PLXNA2: variants seen among roughly 807,000 people sequenced by gnomAD.
PLXNA2 encodes plexin A2.
PLXNA2 carries 91 observed loss-of-function variants against 193.5 expected under a neutral mutation model. The observed-to-expected ratio is 0.47, with a 90% confidence interval of 0.40 to 0.56. PLXNA2 has a LOEUF of 0.56. PLXNA2 is among the 20% of genes least tolerant of loss of function. PLXNA2 has a pLI of 0.00. For synonymous variants in PLXNA2, 997 were observed against 1,027.3 expected (o/e 0.97, Z 0.56); for missense variants, 1,995 against 2,503.2 (o/e 0.80, Z 4.33).
chr1:208,141,980 A>G (rs569694464), intron 4 of PLXNA2, among the ~76,000 whole-genome samples: 1 of 152,284 alleles, frequency 6.6e-6, no homozygotes, highest in Non-Finnish European at 1.5e-5. Context: ...TGGATTATTT[A>G]CACCTCTTTG....
intron 2 of PLXNA2, among the ~76,000 whole-genome samples, chr1:208,210,925 G>A (rs1473399293): frequency 6.6e-6 from 1 of 152,074 alleles, no homozygotes. Flanking sequence ...TGGGCTGTAG[G>A]GTCTCCCTTT....
chr1:208,105,757 C>G (rs964261409), intron 4 of PLXNA2, among the ~76,000 whole-genome samples: 1 of 152,232 alleles, frequency 6.6e-6, no homozygotes, highest in Non-Finnish European at 1.5e-5. Context: ...CTGGCCCCCT[C>G]CAAACCACTC....
intron 12 of PLXNA2, among the ~76,000 whole-genome samples, chr1:208,064,892 C>T (rs192548943): frequency 3.3e-5 from 5 of 152,136 alleles, no homozygotes; most frequent in Admixed American, 3.3e-4. Context: ...CCCCGCCCAA[C>T]ACACACAGAG....
At chr1:208,129,642 C>T (rs1299483000) in intron 4 of PLXNA2, among the ~76,000 whole-genome samples, 2 of 152,198 alleles carry the variant, frequency 1.3e-5, no homozygotes, top group African/African-American at 4.8e-5. Flanking sequence ...GTGAGCCCCT[C>T]CCCTCTCACG....
intron 9 of PLXNA2, among the ~76,000 whole-genome samples, chr1:208,088,222 C>T (rs1221099972): frequency 2.0e-5 from 3 of 152,168 alleles, no homozygotes; most frequent in Non-Finnish European, 4.4e-5. Context: ...GGAAACACAG[C>T]TGCAGGGAGA....
intron 27 of PLXNA2, among the ~76,000 whole-genome samples, chr1:208,034,131 G>A (rs1207166998): frequency 6.6e-6 from 1 of 152,252 alleles, no homozygotes; most frequent in Non-Finnish European, 1.5e-5. Flanking sequence ...ACACTTCTGA[G>A]AGTAAAAGGG....
intron 12 of PLXNA2, among the ~76,000 whole-genome samples, chr1:208,074,766 C>A (rs1209952443): frequency 6.6e-6 from 1 of 152,184 alleles, no homozygotes; most frequent in African/African-American, 2.4e-5. Flanking sequence ...GATTCTGCCA[C>A]CCCCAACTGC....
Position 208,027,323 on chromosome 1 carries a change from C to G in PLXNA2, c.5605G>C (p.Glu1869Gln), listed in dbSNP as rs1227105369. ...TGCCGCCGTGCCTGCTCATCCTGCT[C>G]TAGGGCCCCGATGAGCTGAGGAGCA... ...KYSEELIGAL[E>Q]QDEQARRQRL... The change falls in exon 32 of 32, where the codon GAG (glutamate) becomes CAG (glutamine). Residue 1869 changes from glutamate (E) to glutamine (Q), a missense_variant. Transcript: ENST00000367033. 36 of 1,613,168 alleles carry G rather than the reference C, an allele frequency of 2.2e-5. No homozygotes were observed. The highest frequency in any genetic ancestry group is 3.0e-5 in the Non-Finnish European group (35 of 1,179,982).
At chr1:208,240,760 T>C (rs1322921395) in intron 1 of PLXNA2, among the ~76,000 whole-genome samples, 1 of 111,530 alleles carries the variant, frequency 9.0e-6, no homozygotes, top group African/African-American at 3.5e-5. Context: ...ATGATCAGAA[T>C]GGGGGTGGGG....
rs73083029 is a variant in PLXNA2 at position 208,045,397 on chromosome 1, C to T, written c.3496-187G>A. ...TCTAGAGAGAAAGAGAGAAAACAGA[C>T]GCAGGAGAGAATGAAAATGAAGAAG... On this transcript the variant is annotated intron_variant, in intron 18 of 31. Transcript: ENST00000367033. 7.6e-3 allele frequency among the ~76,000 whole-genome samples: 1,151 copies of T among 152,016 alleles called. 14 individuals carry two copies. Among genetic ancestry groups the T allele is most frequent in the African/African-American group, 0.026 (1,092 of 41,432 alleles).
chr1:208,186,417 C>A (rs1462981056), intron 3 of PLXNA2, among the ~76,000 whole-genome samples: 1 of 152,118 alleles, frequency 6.6e-6, no homozygotes, highest in African/African-American at 2.4e-5. Context: ...GGCAAAAAAA[C>A]AAACAAACGG....
chr1:208,213,367 T>C (rs1343553309), intron 2 of PLXNA2, among the ~76,000 whole-genome samples: 2 of 152,206 alleles, frequency 1.3e-5, no homozygotes, highest in East Asian at 3.8e-4. Context: ...TAAGAAGTAA[T>C]ACAGCCGAAC....
At chr1:208,219,234 T>C (rs1482003191) in intron 1 of PLXNA2, among the ~76,000 whole-genome samples, 1 of 152,172 alleles carries the variant, frequency 6.6e-6, no homozygotes, top group Non-Finnish European at 1.5e-5. Flanking sequence ...GTGGGGCTCC[T>C]GAGGACAGCC....
At chr1:208,085,175 T>A (rs1666476627) in intron 9 of PLXNA2, among the ~76,000 whole-genome samples, 2 of 151,564 alleles carry the variant, frequency 1.3e-5, no homozygotes, top group South Asian at 4.2e-4. Context: ...AAAGTCTTGG[T>A]AGGGAGGGGC....
chr1:208,188,082 T>A (rs12080342), intron 3 of PLXNA2, among the ~76,000 whole-genome samples: 1 of 152,118 alleles, frequency 6.6e-6, no homozygotes, highest in Admixed American at 6.6e-5. Flanking sequence ...GACGCGCACC[T>A]GAATATTTAT....
Position 208,217,650 on chromosome 1 carries a change from G to C in PLXNA2, c.273C>G (p.Asn91Lys). The C allele has an allele frequency of 1.2e-6, 2 of 1,614,214 alleles. No individual in the cohort carries two copies. The highest frequency in any genetic ancestry group is 1.7e-6 in the Non-Finnish European group (2 of 1,180,038). Reference sequence around the variant, plus strand: ...CGATGAGGGGCGGGTAACAAGACTTGTTGTCCTCTTCTGGCCCTGTCTTAT... The same window carrying C: ...CGATGAGGGGCGGGTAACAAGACTTCTTGTCCTCTTCTGGCCCTGTCTTAT... The part of the protein sequence containing the change: ...VAHKTGPEED[N>K]KSCYPPLIVQ... The change falls in exon 2 of 32, where the codon AAC becomes AAG. Residue 91 changes from asparagine (N) to lysine (K), a missense_variant. By Grantham distance (94) the Asn-to-Lys change is moderately conservative (BLOSUM62 0). Transcript: ENST00000367033. The surrounding 1 kb of genome is among the most constrained non-coding windows in gnomAD (Gnocchi z 4.7).
rs138434385 is a variant in PLXNA2, at chr1:208,082,607, G to A, written c.2299-99C>T. 4.0e-3 allele frequency: 3,308 copies of A among 835,268 alleles called. 119 individuals carry two copies. In the Admixed American group the frequency reaches 0.055, roughly 14 times the overall value. The allele number at this position is 835,268 out of a possible 1,614,324, so 51.7% of individuals were successfully genotyped here. The stretch of plus-strand genomic sequence containing the variant: ...TGCATGCTGCTCAGATTATTATGAC[G>A]CTCTTTCCCTGAATCCCAGTCACTA... On this transcript the variant is annotated intron_variant, in intron 10 of 31. Transcript: ENST00000367033. This position sits in a 1 kb window ranked among gnomAD's most constrained non-coding sequence, Gnocchi z 4.2.
chr1:208,027,010 G>C lies in PLXNA2; in HGVS notation c.*233C>G, dbSNP rs1333801323. The C allele has an allele frequency of 1.1e-5, 5 of 448,786 alleles. No homozygotes were observed. The allele number at this position is 448,786 out of a possible 1,614,324, so 27.8% of individuals were successfully genotyped here. A position where few individuals can be genotyped will look rare whatever the true frequency, so the allele number is the denominator to read the frequency against. On this transcript the variant is annotated 3_prime_UTR_variant, in exon 32 of 32. Coordinates refer to ENST00000367033, the MANE Select transcript of PLXNA2 (RefSeq NM_025179.4). ...AAGAACCACCTTCTCCCGGCCCCGGGTTCTCTGGTGTTCTCACTGAGGATG... is the reference window on the plus strand; with the variant it reads ...AAGAACCACCTTCTCCCGGCCCCGGCTTCTCTGGTGTTCTCACTGAGGATG...
intron 4 of PLXNA2, among the ~76,000 whole-genome samples, chr1:208,111,758 T>A (rs1023243601): frequency 6.6e-6 from 1 of 152,172 alleles, no homozygotes; most frequent in African/African-American, 2.4e-5. Flanking sequence ...TCTTTAACAA[T>A]CAATAGTCAT....
Sources: gnomAD v4.1 joint callset for allele counts (sites outside exome capture counted in the v4.1 genomes callset) on GRCh38, gnomAD v4.1.1 for gene constraint, Gnocchi (gnomAD v3.1) non-coding constraint, MANE v1.5 for transcripts, NCBI Gene and HGNC (gene_info 2026-07-23, HGNC 2026-07-21) for gene names.